The following NOL4L variants were observed in gnomAD, a reference collection of about 807,000 sequenced individuals.
The protein encoded by NOL4L is nucleolar protein 4-like.
Under a neutral mutation model 64.5 loss-of-function variants are expected in NOL4L, and 7 were observed. The observed-to-expected ratio is 0.11, with a 90% CI of 0.06 to 0.20. The LOEUF (loss-of-function observed/expected upper bound fraction) is 0.20. Among genes scored for constraint, NOL4L ranks in the 10% least tolerant of loss-of-function variants. NOL4L has a pLI of 1.00. For synonymous variants in NOL4L, 413 were observed against 401.0 expected, an observed-to-expected ratio of 1.03 and a Z score of -0.36; for missense variants, 680 against 967.1, an observed-to-expected ratio of 0.70 and a Z score of 3.94.
At position 32,460,327 on chromosome 20, in the gene NOL4L, G is replaced by A. The variant is rs1482225333; in HGVS notation, c.842-3932C>T. 1.3e-5 allele frequency among the ~76,000 whole-genome samples: 2 copies of A among 152,134 alleles called. No individual in the cohort carries two copies. The highest frequency in any genetic ancestry group is 2.4e-5 in the African/African-American group (1 of 41,434). On this transcript the variant is annotated intron_variant, in intron 5 of 10. Coordinates refer to ENST00000621426, the MANE Select transcript of NOL4L (RefSeq NM_001256798.2). This position sits in a 1 kb window ranked among gnomAD's most constrained non-coding sequence, Gnocchi z 5.7. ...TACTCAGAGGGACAACATGGATCGC[G>A]AAAGCCTGCCTTCCCCAGTGACACC... is the stretch of plus-strand genomic sequence containing the variant.
chr20:32,577,585 C>T (rs1980196962), intron 1 of NOL4L, among the ~76,000 whole-genome samples: 1 of 152,226 alleles, frequency 6.6e-6, no homozygotes, highest in South Asian at 2.1e-4. Flanking sequence ...GTGCCCACTG[C>T]CTGTAAGCCC....
At chr20:32,487,473 C>T (rs1230413184) in intron 4 of NOL4L, among the ~76,000 whole-genome samples, 1 of 152,062 alleles carries the variant, frequency 6.6e-6, no homozygotes, top group East Asian at 1.9e-4. Flanking sequence ...TCCTAATCCC[C>T]AGAGGGCAGA....
chr20:32,581,364 C>T (rs1339177310), intron 1 of NOL4L, among the ~76,000 whole-genome samples: 1 of 152,170 alleles, frequency 6.6e-6, no homozygotes, highest in Non-Finnish European at 1.5e-5. Flanking sequence ...CAGATTAAGC[C>T]TTTGTCACAC....
chr20:32,552,863 G>A (rs1257422266), intron 1 of NOL4L, among the ~76,000 whole-genome samples: 1 of 152,176 alleles, frequency 6.6e-6, no homozygotes, highest in East Asian at 1.9e-4. Context: ...AATTAGCCGG[G>A]CATGGTGGCG....
In NOL4L at chr20:32,452,287, T is replaced by C; in HGVS notation, c.1771A>G (p.Ser591Gly). The C allele has an allele frequency of 6.2e-7, 1 of 1,603,154 alleles. No homozygotes were observed. The highest frequency in any genetic ancestry group is 8.5e-7 in the Non-Finnish European group (1 of 1,173,942). ...NYSYRGYGAL[S>G]SNLQPPASLQ... ...GAGGCAGGGGGCTGCAGGTTGCTGC[T>C]CAAGGCCCCGTACCCGCGGTAACTG... is the stretch of plus-strand genomic sequence containing the variant. Residue 591 changes from serine to glycine, a missense_variant, in exon 10 of 11, where the codon AGC becomes GGC. Transcript: ENST00000621426.
chr20:32,447,121 TAGCAATCTGTACAA>T lies in NOL4L; in HGVS notation c.*461_*474del. ...TCCTTCTGATCAGACAGACACAGACTAGCAATCTGTACAAACACAAAAGAATCCATTTTCAGAAA... is the reference window on the plus strand; with the variant it reads ...TCCTTCTGATCAGACAGACACAGACTACACAAAAGAATCCATTTTCAGAAA... On this transcript the variant is annotated 3_prime_UTR_variant, in exon 11 of 11. Coordinates refer to ENST00000621426, the MANE Select transcript of NOL4L (RefSeq NM_001256798.2). The T allele has an allele frequency of 2.4e-6, 1 of 417,636 alleles. No individual in the cohort carries two copies. The highest frequency in any genetic ancestry group is 1.8e-5 in the South Asian group (1 of 55,748). 25.9% of individuals were successfully genotyped at this position (417,636 alleles called of 1,614,324 possible). A position where few individuals can be genotyped will look rare whatever the true frequency, so the allele number is the denominator to read the frequency against.
chr20:32,550,163 C>T (rs2018780843), intron 1 of NOL4L, among the ~76,000 whole-genome samples: 1 of 152,192 alleles, frequency 6.6e-6, no homozygotes, highest in African/African-American at 2.4e-5. Flanking sequence ...GTTGTGCGAA[C>T]ATCATAGAGT....
chr20:32,468,912 AAAAAAAAAG>A (rs1470493636), intron 5 of NOL4L, among the ~76,000 whole-genome samples: 1 of 145,610 alleles, frequency 6.9e-6, no homozygotes. Flanking sequence ...AAAAAAAAAA[AAAAAAAAAG>A]AAAGAAAGAA....
At chr20:32,578,358 A>C (rs969521637) in intron 1 of NOL4L, among the ~76,000 whole-genome samples, 3 of 151,974 alleles carry the variant, frequency 2.0e-5, no homozygotes, top group Non-Finnish European at 4.4e-5. Flanking sequence ...CTGCTTCTTT[A>C]CCTGCTTTGG....
chr20:32,556,278 G>GC (rs1020111584), intron 1 of NOL4L, among the ~76,000 whole-genome samples: 1 of 152,024 alleles, frequency 6.6e-6, no homozygotes, highest in South Asian at 2.1e-4. Flanking sequence ...CCTTTGTGGG[G>GC]GGGGGGGGTT....
intron 4 of NOL4L, among the ~76,000 whole-genome samples, chr20:32,500,348 C>A (rs1254898194): frequency 6.6e-6 from 1 of 150,406 alleles, no homozygotes; most frequent in East Asian, 2.0e-4. Context: ...CCATGCCCAG[C>A]CAGATTTTTT....
intron 1 of NOL4L, among the ~76,000 whole-genome samples, chr20:32,572,666 C>T (rs1384179562): frequency 1.3e-5 from 2 of 152,152 alleles, no homozygotes; most frequent in Non-Finnish European, 2.9e-5. Context: ...CTTCCCACCA[C>T]CTTTGGCTTG....
intron 1 of NOL4L, among the ~76,000 whole-genome samples, chr20:32,538,686 C>A (rs953795140): frequency 3.3e-5 from 5 of 152,180 alleles, no homozygotes; most frequent in African/African-American, 1.2e-4. Context: ...CCAACCTCAC[C>A]GTTTCCTGCC....
intron 1 of NOL4L, among the ~76,000 whole-genome samples, chr20:32,564,410 C>T (rs1336392102): frequency 6.6e-6 from 1 of 152,192 alleles, no homozygotes; most frequent in Non-Finnish European, 1.5e-5. Flanking sequence ...AACTGAGGTA[C>T]AGGGATGAAG....
At chr20:32,495,367 C>G (rs904924242) in intron 4 of NOL4L, among the ~76,000 whole-genome samples, 2 of 152,232 alleles carry the variant, frequency 1.3e-5, no homozygotes, top group African/African-American at 2.4e-5. Flanking sequence ...GATCGAGCCC[C>G]TCTCCTTGAC....
chr20:32,556,806 A>C (rs988192951), intron 1 of NOL4L, among the ~76,000 whole-genome samples: 1 of 152,218 alleles, frequency 6.6e-6, no homozygotes, highest in African/African-American at 2.4e-5. Context: ...TGACCTGCCC[A>C]AGGCCACACA....
chr20:32,550,404 T>G (rs1386373924), intron 1 of NOL4L, among the ~76,000 whole-genome samples: 8 of 152,190 alleles, frequency 5.3e-5, no homozygotes, highest in Non-Finnish European at 1.0e-4. Context: ...GGCCAATATT[T>G]GTATATCTAA....
intron 4 of NOL4L, among the ~76,000 whole-genome samples, chr20:32,499,959 G>T (rs2016851988): frequency 6.6e-6 from 1 of 151,988 alleles, no homozygotes; most frequent in African/African-American, 2.4e-5. Flanking sequence ...TGTTTTGGAT[G>T]GAAACTTAGT....
At chr20:32,537,073 C>T in intron 1 of NOL4L, 7 of 985,134 alleles carry the variant, frequency 7.1e-6, no homozygotes, top group Non-Finnish European at 8.4e-6. Flanking sequence ...CCCCCCGGGA[C>T]GCTGCCCACC....
Sources: allele counts gnomAD v4.1 joint callset (sites outside exome capture counted in the v4.1 genomes callset), GRCh38; gene constraint gnomAD v4.1.1; non-coding constraint Gnocchi (gnomAD v3.1); transcripts MANE v1.5; gene names NCBI Gene and HGNC (gene_info 2026-07-23, HGNC 2026-07-21).